ARHGAP35: variants seen among roughly 807,000 people sequenced by gnomAD.
ARHGAP35 encodes the protein rho GTPase-activating protein 35.
ARHGAP35 carries 15 observed loss-of-function variants against 111.1 expected under a neutral mutation model. That is an observed-to-expected ratio of 0.13 (90% confidence interval 0.09 to 0.21). The LOEUF (loss-of-function observed/expected upper bound fraction) is 0.21. Among genes scored for constraint, ARHGAP35 ranks in the 10% least tolerant of loss-of-function variants. The pLI is 1.00. For synonymous variants in ARHGAP35, 643 were observed against 710.3 expected (o/e 0.91, Z 1.51); for missense variants, 1,262 against 1,873.0 (o/e 0.67, Z 6.02).
At chr19:46,939,917 T>G (rs1342205805) in intron 3 of ARHGAP35, among the ~76,000 whole-genome samples, 1 of 151,104 alleles carries the variant, frequency 6.6e-6, no homozygotes, top group Non-Finnish European at 1.5e-5. Context: ...GTCCAGGACC[T>G]TATCCTGGAC....
At chr19:46,862,575 C>G (rs1217852622) in intron 1 of ARHGAP35, among the ~76,000 whole-genome samples, 3 of 152,152 alleles carry the variant, frequency 2.0e-5, no homozygotes, top group African/African-American at 7.2e-5. Context: ...TGTACCTACA[C>G]TTTCTTCTCG....
chr19:46,891,148 G>A (rs1386403742), intron 1 of ARHGAP35, among the ~76,000 whole-genome samples: 3 of 152,110 alleles, frequency 2.0e-5, no homozygotes, highest in East Asian at 3.9e-4. Context: ...GTTTTCTGAT[G>A]TACAAAATGG....
chr19:46,964,199 G>A (rs1444542327), intron 3 of ARHGAP35, among the ~76,000 whole-genome samples: 1 of 151,962 alleles, frequency 6.6e-6, no homozygotes, highest in Non-Finnish European at 1.5e-5. Context: ...GCCCAGACAA[G>A]ATTATTATAA....
At chr19:46,964,708 A>G (rs898970559) in intron 3 of ARHGAP35, among the ~76,000 whole-genome samples, 1 of 152,174 alleles carries the variant, frequency 6.6e-6, no homozygotes, top group African/African-American at 2.4e-5. Context: ...AGTTCAGCAG[A>G]AGGGCTGGTG....
intron 3 of ARHGAP35, chr19:46,946,426 T>A (rs1173969246): frequency 3.3e-5 from 5 of 152,264 alleles, no homozygotes; most frequent in Non-Finnish European, 5.9e-5. Flanking sequence ...ATATAAAACC[T>A]TGAGAGGAGT....
At chr19:46,985,976 C>T (rs1308902903) in intron 3 of ARHGAP35, among the ~76,000 whole-genome samples, 1 of 152,158 alleles carries the variant, frequency 6.6e-6, no homozygotes, top group African/African-American at 2.4e-5. Context: ...TAACAACCAA[C>T]ACGTGGCTCT....
chr19:47,001,013 C>A lies in ARHGAP35; in HGVS notation c.*325C>A. ...ACCAGCCTCCGGGTGCCTCCCTCTG[C>A]TTGTACAGAGCCCATGGTCGGGACA... is the stretch of plus-strand genomic sequence containing the variant. On this transcript the variant is annotated 3_prime_UTR_variant, in exon 7 of 7. Coordinates refer to ENST00000672722, the MANE Select transcript of ARHGAP35 (RefSeq NM_004491.5). The surrounding 1 kb of genome is among the most constrained non-coding windows in gnomAD (Gnocchi z 5.4). 1 of 1,459,184 alleles carries A rather than the reference C, an allele frequency of 6.9e-7. No homozygotes were observed. The highest frequency in any genetic ancestry group is 9.1e-7 in the Non-Finnish European group (1 of 1,097,344). 90.4% of individuals were successfully genotyped at this position (1,459,184 alleles called of 1,614,324 possible).
chr19:46,899,736 A>G (rs1257140042), intron 1 of ARHGAP35, among the ~76,000 whole-genome samples: 9 of 151,994 alleles, frequency 5.9e-5, no homozygotes, highest in Admixed American at 5.9e-4. Context: ...CAAAAAAAAA[A>G]AGAAGAAGAT....
intron 3 of ARHGAP35, chr19:46,946,390 G>A (rs1296789831): frequency 6.6e-6 from 1 of 152,262 alleles, no homozygotes; most frequent in Non-Finnish European, 1.5e-5. Context: ...GAAAAAAGGT[G>A]GCAGCATTGA....
rs574775326 is a variant in ARHGAP35, at chr19:46,938,417, G to A, written c.3826+1009G>A. ...TGCCCAGGCTGGAGTGCAGTGACAC[G>A]ATCTCAACTCACTGCAACCTCCGCC... is the stretch of plus-strand genomic sequence containing the variant. On this transcript the variant is annotated intron_variant, in intron 3 of 6. Transcript: ENST00000672722. Among the ~76,000 whole-genome samples the A allele has an allele frequency of 1.6e-3, 237 of 152,146 alleles. 1 individual carries two copies. Among genetic ancestry groups the A allele is most frequent in the African/African-American group, 5.4e-3 (222 of 41,488 alleles).
Position 46,999,447 on chromosome 19 carries a change from A to G in ARHGAP35, c.4142+38A>G. 7.6e-7 allele frequency: 1 copy of G among 1,322,224 alleles called. No homozygotes were observed. The allele number at this position is 1,322,224 out of a possible 1,614,324, so 81.9% of individuals were successfully genotyped here. A position where few individuals can be genotyped will look rare whatever the true frequency, so the allele number is the denominator to read the frequency against. On this transcript the variant is annotated intron_variant, in intron 6 of 6. Coordinates refer to ENST00000672722, the MANE Select transcript of ARHGAP35 (RefSeq NM_004491.5). This position sits in a 1 kb window ranked among gnomAD's most constrained non-coding sequence, Gnocchi z 5.4. Reference sequence around the variant, plus strand: ...GCCTTCTGGTTGGTTTTTCCTCCTGAAAATTGACAGCCAGGGTCAGTGTGT... The same window carrying G: ...GCCTTCTGGTTGGTTTTTCCTCCTGGAAATTGACAGCCAGGGTCAGTGTGT...
chr19:46,994,340 G>A lies in ARHGAP35; in HGVS notation c.4036+4665G>A, dbSNP rs562903639. Reference sequence around the variant, plus strand: ...TGAAGATGGTGAGTGGCTGCCCTGAGTGTGCCGCTGCCCTGTGACCAGGTC... The same window carrying A: ...TGAAGATGGTGAGTGGCTGCCCTGAATGTGCCGCTGCCCTGTGACCAGGTC... On this transcript the variant is annotated intron_variant, in intron 5 of 6. Coordinates refer to ENST00000672722, the MANE Select transcript of ARHGAP35 (RefSeq NM_004491.5). The surrounding 1 kb of genome is among the most constrained non-coding windows in gnomAD (Gnocchi z 5.4). Among the ~76,000 whole-genome samples the A allele has an allele frequency of 6.6e-6, 1 of 152,342 alleles. No individual in the cohort carries two copies. The highest frequency in any genetic ancestry group is 1.9e-4 in the East Asian group (1 of 5,174).
intron 5 of ARHGAP35, among the ~76,000 whole-genome samples, chr19:46,990,158 C>T (rs2056672326): frequency 6.6e-6 from 1 of 152,212 alleles, no homozygotes; most frequent in Admixed American, 6.5e-5. Context: ...GGTCTAGGGT[C>T]CTACAGCCTC....
In ARHGAP35 at chr19:46,993,041, A is replaced by G. The variant is rs1019994923; in HGVS notation, c.4036+3366A>G. 8.5e-5 allele frequency among the ~76,000 whole-genome samples: 13 copies of G among 152,208 alleles called. No homozygotes were observed. Among genetic ancestry groups the G allele is most frequent in the African/African-American group, 3.1e-4 (13 of 41,442 alleles). ...GGGGTCATTAATTTCACAGCTAGCCAGGCCCCGTGTGGACAGGGACAGATG... is the reference window on the plus strand; with the variant it reads ...GGGGTCATTAATTTCACAGCTAGCCGGGCCCCGTGTGGACAGGGACAGATG... On this transcript the variant is annotated intron_variant, in intron 5 of 6. Coordinates refer to ENST00000672722, the MANE Select transcript of ARHGAP35 (RefSeq NM_004491.5). The surrounding 1 kb of genome is among the most constrained non-coding windows in gnomAD (Gnocchi z 4.6).
At chr19:46,883,396 C>A (rs886913430) in intron 1 of ARHGAP35, among the ~76,000 whole-genome samples, 1 of 152,036 alleles carries the variant, frequency 6.6e-6, no homozygotes, top group Non-Finnish European at 1.5e-5. Context: ...CCACTGTGCC[C>A]GGCCAATTGG....
chr19:46,996,134 TG>T (rs1448275068), intron 5 of ARHGAP35, among the ~76,000 whole-genome samples: 1 of 152,118 alleles, frequency 6.6e-6, no homozygotes, highest in East Asian at 1.9e-4. Context: ...GATGGAGTCT[TG>T]CTCTGTCACC....
intron 2 of ARHGAP35, among the ~76,000 whole-genome samples, chr19:46,935,511 G>A (rs180902589): frequency 2.8e-4 from 42 of 152,306 alleles, no homozygotes; most frequent in African/African-American, 1.0e-3. Context: ...CTTATACAAA[G>A]GGGTACTGGT....
At chr19:46,902,133 TA>T (rs1256593586) in intron 1 of ARHGAP35, among the ~76,000 whole-genome samples, 1 of 152,216 alleles carries the variant, frequency 6.6e-6, no homozygotes, top group Non-Finnish European at 1.5e-5. Flanking sequence ...TTTGATTACT[TA>T]AAGAAGGCCT....
At chr19:46,878,430 C>T (rs1333408604) in intron 1 of ARHGAP35, among the ~76,000 whole-genome samples, 1 of 152,112 alleles carries the variant, frequency 6.6e-6, no homozygotes, top group Non-Finnish European at 1.5e-5. Flanking sequence ...AATTCTTGTG[C>T]CTCAACCTCT....
Sources: gnomAD v4.1 joint callset for allele counts (sites outside exome capture counted in the v4.1 genomes callset) on GRCh38, gnomAD v4.1.1 for gene constraint, Gnocchi (gnomAD v3.1) non-coding constraint, MANE v1.5 for transcripts, NCBI Gene and HGNC (gene_info 2026-07-23, HGNC 2026-07-21) for gene names.